The following SLC38A12 variants were observed in gnomAD, a reference collection of about 807,000 sequenced individuals.
SLC38A12 encodes putative sodium-coupled neutral amino acid transporter 12.
the SLC38A12 span, chr17:74,785,758 G>A: frequency 9.0e-7 from 1 of 1,109,780 alleles, no homozygotes; most frequent in Non-Finnish European, 1.2e-6. Flanking sequence ...TTCAGAGAGG[G>A]GAAAGTGGTC....
At chr17:74,838,081 G>A in the SLC38A12 span, 3 of 985,808 alleles carry the variant, frequency 3.0e-6, no homozygotes, top group African/African-American at 3.5e-5. Context: ...CAGGGTCAGG[G>A]GTGGGATTTG....
At chr17:74,838,587 G>A in the SLC38A12 span, 1 of 1,262,224 alleles carries the variant, frequency 7.9e-7, no homozygotes, top group Non-Finnish European at 1.0e-6. Context: ...GCCCTGGAGG[G>A]AACTGGCCAG....
At chr17:74,811,094 C>T in the SLC38A12 span, among the ~76,000 whole-genome samples, 1 of 152,168 alleles carries the variant, frequency 6.6e-6, no homozygotes, top group Non-Finnish European at 1.5e-5. Flanking sequence ...CTTTGGGAGG[C>T]CAAGGAAGGC....
At chr17:74,838,815 C>A in the SLC38A12 span, 428,836 of 1,513,338 alleles carry the variant, frequency 0.28, 62,471 homozygotes, top group East Asian at 0.45. Context: ...CACGTGCATC[C>A]GGCACGTTTC....
chr17:74,795,484 G>A, the SLC38A12 span: 2 of 1,587,638 alleles, frequency 1.3e-6, no homozygotes, highest in East Asian at 2.3e-5. Flanking sequence ...CAGCCAGGCG[G>A]CCTCGCTGAG....
chr17:74,808,348 T>A, the SLC38A12 span, among the ~76,000 whole-genome samples: 1 of 152,254 alleles, frequency 6.6e-6, no homozygotes, highest in East Asian at 1.9e-4. Context: ...GAAGATGACC[T>A]GTTTCGAATC....
chr17:74,810,481 A>G, the SLC38A12 span, among the ~76,000 whole-genome samples: 1 of 152,244 alleles, frequency 6.6e-6, no homozygotes, highest in Non-Finnish European at 1.5e-5. Context: ...ACTGCTGCAG[A>G]GAGGGACGTG....
the SLC38A12 span, among the ~76,000 whole-genome samples, chr17:74,810,701 C>A: frequency 6.6e-6 from 1 of 152,248 alleles, no homozygotes; most frequent in Non-Finnish European, 1.5e-5. Flanking sequence ...AGGGGCGCTG[C>A]TCACCCTCTG....
At chr17:74,835,573 G>T in the SLC38A12 span, among the ~76,000 whole-genome samples, 1 of 152,180 alleles carries the variant, frequency 6.6e-6, no homozygotes, top group Non-Finnish European at 1.5e-5. Context: ...AGCCCTGGGG[G>T]TCTGATGAGG....
At chr17:74,794,945 AAG>A in the SLC38A12 span, 2 of 1,246,204 alleles carry the variant, frequency 1.6e-6, no homozygotes, top group South Asian at 1.3e-5. Context: ...CAAAAAGAAG[AAG>A]AAAAAAAAAA....
the SLC38A12 span, among the ~76,000 whole-genome samples, chr17:74,792,257 C>T: frequency 6.6e-6 from 1 of 152,174 alleles, no homozygotes; most frequent in Non-Finnish European, 1.5e-5. Flanking sequence ...TGGAGACCAG[C>T]CTGGCCAACA....
At chr17:74,838,529 G>A in the SLC38A12 span, 33 of 1,076,802 alleles carry the variant, frequency 3.1e-5, no homozygotes, top group Non-Finnish European at 3.4e-5. Context: ...GTTGATTTAT[G>A]TGACAGTCTG....
chr17:74,823,712 G>C, the SLC38A12 span, among the ~76,000 whole-genome samples: 1 of 152,212 alleles, frequency 6.6e-6, no homozygotes, highest in Non-Finnish European at 1.5e-5. Context: ...TGGCAGACAT[G>C]GCTGGCTCAC....
the SLC38A12 span, among the ~76,000 whole-genome samples, chr17:74,791,901 C>T: frequency 6.6e-6 from 1 of 152,210 alleles, no homozygotes; most frequent in African/African-American, 2.4e-5. Flanking sequence ...AATCCCAGCA[C>T]TTTGGGAGGC....
At chr17:74,836,591 C>G in the SLC38A12 span, 1 of 1,612,986 alleles carries the variant, frequency 6.2e-7, no homozygotes, top group Non-Finnish European at 8.5e-7. This position sits in a 1 kb window ranked among gnomAD's most constrained non-coding sequence, Gnocchi z 4.2. Flanking sequence ...GGTCCCCTTT[C>G]CGCCACACCT....
At chr17:74,839,128 C>G in the SLC38A12 span, 1 of 1,528,586 alleles carries the variant, frequency 6.5e-7, no homozygotes, top group Non-Finnish European at 8.8e-7. Context: ...CCAGCAGCTC[C>G]TGGCTGTTCC....
At chr17:74,813,582 C>A in the SLC38A12 span, among the ~76,000 whole-genome samples, 2 of 152,172 alleles carry the variant, frequency 1.3e-5, no homozygotes, top group East Asian at 3.8e-4. Flanking sequence ...CTCACTACAA[C>A]CTCTGCCTCC....
the SLC38A12 span, chr17:74,839,630 C>T: frequency 6.3e-6 from 1 of 158,390 alleles, no homozygotes; most frequent in East Asian, 1.8e-4. Flanking sequence ...GGCAGCGAGC[C>T]TCCGTGACCT....
the SLC38A12 span, chr17:74,790,417 GAGGC>G: frequency 2.3e-5 from 20 of 879,904 alleles, no homozygotes; most frequent in South Asian, 2.7e-4. Context: ...CCTGGGTTCT[GAGGC>G]AGGCCCTGTG....
Sources: allele counts gnomAD v4.1 joint callset (sites outside exome capture counted in the v4.1 genomes callset), GRCh38; gene constraint gnomAD v4.1.1; non-coding constraint Gnocchi (gnomAD v3.1); transcripts MANE v1.5; gene names NCBI Gene and HGNC (gene_info 2026-07-23, HGNC 2026-07-21).